TBC1D14: variants seen among roughly 807,000 people sequenced by gnomAD.
TBC1D14 encodes TBC1 domain family, member 14.
TBC1D14 carries 26 observed loss-of-function variants against 79.0 expected under a neutral mutation model. That is an observed-to-expected ratio of 0.33 (90% CI 0.24 to 0.46). The LOEUF (loss-of-function observed/expected upper bound fraction) is 0.46. TBC1D14 is among the 20% of genes least tolerant of loss of function. TBC1D14 has a pLI of 1.00. For missense variants in TBC1D14, 769 were observed against 887.6 expected (o/e 0.87, Z 1.70); for synonymous variants, 394 against 349.9 (o/e 1.13, Z -1.40).
At chr4:6,994,099 T>G in intron 3 of TBC1D14, 85 bp from the exon 4 acceptor site, 2 of 1,229,708 alleles carry the variant, frequency 1.6e-6, no homozygotes, top group Admixed American at 1.8e-5. Context: ...TAAAAGAGTT[T>G]CATGACAAAA....
intron 3 of TBC1D14, among the ~76,000 whole-genome samples, chr4:6,972,130 TTTTG>T (rs1194683164): frequency 6.6e-6 from 1 of 152,198 alleles, no homozygotes; most frequent in African/African-American, 2.4e-5. Context: ...TCCATGGCCC[TTTTG>T]TTTGTTTCAC....
At chr4:6,998,901 A>G in intron 5 of TBC1D14, 184 bp from the exon 6 acceptor site, 2 of 584,110 alleles carry the variant, frequency 3.4e-6, no homozygotes, top group South Asian at 2.0e-5. Flanking sequence ...CAAGCTTACT[A>G]AAGGGTGGAT....
At chr4:7,015,854 G>A (rs529750711) in intron 12 of TBC1D14, among the ~76,000 whole-genome samples, 3 of 152,156 alleles carry the variant, frequency 2.0e-5, no homozygotes, top group Admixed American at 6.5e-5. Context: ...GTGACCGTGC[G>A]GCACCACCCG....
chr4:6,939,060 G>A (rs1227629620), intron 2 of TBC1D14, among the ~76,000 whole-genome samples: 2 of 152,188 alleles, frequency 1.3e-5, no homozygotes, highest in Non-Finnish European at 2.9e-5. Context: ...GGCTCAGCCG[G>A]TGGCCTCTTC....
intron 9 of TBC1D14, among the ~76,000 whole-genome samples, chr4:7,007,351 G>A (rs1309420581): frequency 1.3e-5 from 2 of 152,222 alleles, no homozygotes; most frequent in East Asian, 1.9e-4. Flanking sequence ...GCAGTAGGTT[G>A]TGGGGTCATC....
chr4:6,937,300 G>A (rs2108963591), intron 2 of TBC1D14, among the ~76,000 whole-genome samples: 1 of 152,346 alleles, frequency 6.6e-6, no homozygotes, highest in East Asian at 1.9e-4. Flanking sequence ...TGGAGGTTGG[G>A]AGGCGTAAGA....
At chr4:6,945,690 G>A (rs981202380) in intron 2 of TBC1D14, among the ~76,000 whole-genome samples, 23 of 150,044 alleles carry the variant, frequency 1.5e-4, no homozygotes, top group South Asian at 4.2e-4. Context: ...CGGAGGTTGC[G>A]GTGAGCCGAG....
At chr4:6,993,692 C>T (rs976318179) in intron 3 of TBC1D14, among the ~76,000 whole-genome samples, 12 of 152,172 alleles carry the variant, frequency 7.9e-5, no homozygotes, top group Non-Finnish European at 1.5e-4. Context: ...TATCATAAAG[C>T]AATGGTCTCA....
At chr4:7,027,620 CCACACA>C (rs72304090) in intron 13 of TBC1D14, among the ~76,000 whole-genome samples, 3 of 130,578 alleles carry the variant, frequency 2.3e-5, no homozygotes, top group Admixed American at 1.7e-4. Context: ...ACAGTCACAT[CCACACA>C]CAATCACCCC....
At chr4:7,014,105 A>T (rs1408701094) in intron 11 of TBC1D14, among the ~76,000 whole-genome samples, 1 of 152,184 alleles carries the variant, frequency 6.6e-6, no homozygotes, top group Non-Finnish European at 1.5e-5. Flanking sequence ...GTGAGTCTGT[A>T]CAGGCTCCAC....
rs1724076578 is a variant in TBC1D14 at position 6,924,028 on chromosome 4, C to T, written c.639C>T (p.Gly213=). The change falls in exon 2 of 14, where the codon GGC becomes GGT. Residue 213 remains glycine, a synonymous_variant. Coordinates refer to ENST00000409757, the MANE Select transcript of TBC1D14 (RefSeq NM_020773.3). The stretch of plus-strand genomic sequence containing the variant: ...TGAGCTCTATCAAGGAAACCCGTGG[C>T]TTACACCAGCAGGACTGTGTTCATG... ...VTLSSIKETR[G]LHQQDCVHEA... is the part of the protein sequence containing the mutation. 6.2e-7 allele frequency: 1 copy of T among 1,614,118 alleles called. No homozygotes were observed. Among genetic ancestry groups the T allele is most frequent in the Non-Finnish European group, 8.5e-7 (1 of 1,180,028 alleles).
intron 2 of TBC1D14, among the ~76,000 whole-genome samples, chr4:6,958,374 T>TACACACAC (rs529020444): frequency 7.5e-3 from 319 of 42,290 alleles, no homozygotes; most frequent in East Asian, 0.025. Context: ...GATCCCCACA[T>TACACACAC]ATACACACAC....
At chr4:6,935,588 C>T (rs375004894) in intron 2 of TBC1D14, among the ~76,000 whole-genome samples, 1 of 152,084 alleles carries the variant, frequency 6.6e-6, no homozygotes, top group Non-Finnish European at 1.5e-5. Flanking sequence ...CCCTCTCTCC[C>T]CCTTCCATGC....
At chr4:6,942,418 T>TCAG (rs1432180664) in intron 2 of TBC1D14, among the ~76,000 whole-genome samples, 1 of 152,206 alleles carries the variant, frequency 6.6e-6, no homozygotes, top group African/African-American at 2.4e-5. Flanking sequence ...TCCTGTAAGA[T>TCAG]TCTGTATATG....
intron 2 of TBC1D14, among the ~76,000 whole-genome samples, chr4:6,924,794 A>C (rs1394242404): frequency 6.6e-6 from 1 of 152,106 alleles, no homozygotes; most frequent in African/African-American, 2.4e-5. Flanking sequence ...GCTTTTGTTC[A>C]ACAAGTGCCT....
rs561440938 is a variant in TBC1D14 at position 6,965,139 on chromosome 4, T to A, written c.723-2165T>A. 1.3e-3 allele frequency among the ~76,000 whole-genome samples: 198 copies of A among 149,628 alleles called. 1 individual carries two copies. Among genetic ancestry groups the A allele is most frequent in the African/African-American group, 4.4e-3 (180 of 40,598 alleles). On this transcript the variant is annotated intron_variant, in intron 2 of 13. Transcript: ENST00000409757. The stretch of plus-strand genomic sequence containing the variant: ...TCAAATCCACAGTCTGTAACCATAC[T>A]TCATCAATTGTCCCAATAATCTTTT...
chr4:6,974,884 GTC>G (rs1044637783), intron 3 of TBC1D14, among the ~76,000 whole-genome samples: 27 of 151,876 alleles, frequency 1.8e-4, no homozygotes, highest in African/African-American at 5.8e-4. Flanking sequence ...TTTTTTGTGT[GTC>G]TGTTTTGTTT....
chr4:6,982,849 C>T (rs1336043133), intron 3 of TBC1D14, among the ~76,000 whole-genome samples: 1 of 152,160 alleles, frequency 6.6e-6, no homozygotes, highest in East Asian at 1.9e-4. Context: ...AAGATACACA[C>T]ACATCCTCAT....
chr4:6,970,320 TC>T (rs1477436603), intron 3 of TBC1D14, among the ~76,000 whole-genome samples: 1 of 152,246 alleles, frequency 6.6e-6, no homozygotes, highest in African/African-American at 2.4e-5. Flanking sequence ...ATTTAACCTT[TC>T]TGAGCCTCAT....
Sources: gnomAD v4.1 joint callset for allele counts (sites outside exome capture counted in the v4.1 genomes callset) on GRCh38, gnomAD v4.1.1 for gene constraint, MANE v1.5 for transcripts, NCBI Gene and HGNC (gene_info 2026-07-23, HGNC 2026-07-21) for gene names.